GLDC: variants seen among roughly 807,000 people sequenced by gnomAD.
The protein encoded by GLDC is glycine decarboxylase.
Under a neutral mutation model 121.3 loss-of-function variants are expected in GLDC, and 104 were observed. That is an observed-to-expected ratio of 0.86 (90% CI 0.73 to 1.01). GLDC has a LOEUF of 1.01. Among genes scored for constraint, GLDC ranks in the 50% least tolerant of loss-of-function variants. GLDC has a pLI of 0.00. For synonymous variants in GLDC, 546 were observed against 480.6 expected, an observed-to-expected ratio of 1.14 and a Z score of -1.78; for missense variants, 1,429 against 1,306.6, an observed-to-expected ratio of 1.09 and a Z score of -1.44.
chr9:6,565,599 A>T, intron 15 of GLDC, 170 bp from the exon 16 acceptor site: 1 of 683,772 alleles, frequency 1.5e-6, no homozygotes. Context: ...AAGGTCTTGA[A>T]CAATCAAAAC....
chr9:6,618,970 C>T (rs1406740659), intron 3 of GLDC, among the ~76,000 whole-genome samples: 4 of 151,694 alleles, frequency 2.6e-5, no homozygotes, highest in African/African-American at 7.2e-5. Flanking sequence ...GGTGAAACCC[C>T]GTCTCTACTA....
At chr9:6,554,639 C>G (rs1817581337) in intron 19 of GLDC, 30 bp downstream of exon 19, 2 of 1,467,782 alleles carry the variant, frequency 1.4e-6, no homozygotes, top group East Asian at 4.5e-5. Context: ...GTCTCCAAAG[C>G]CATCCTGAAA....
chr9:6,594,103 A>G (rs1357184463), intron 9 of GLDC, among the ~76,000 whole-genome samples: 1 of 152,078 alleles, frequency 6.6e-6, no homozygotes, highest in African/African-American at 2.4e-5. Flanking sequence ...GACATTACAT[A>G]CACGAGTAAC....
intron 2 of GLDC, chr9:6,639,668 A>AAAAAAAAATATATATATATATAT: frequency 4.0e-6 from 1 of 248,646 alleles, no homozygotes; most frequent in Non-Finnish European, 6.4e-6. Context: ...ATAAAAAAAA[A>AAAAAAAAATATATATATATATAT]GTATATATAT....
chr9:6,645,070 G>GT (rs2130030899), intron 1 of GLDC, among the ~76,000 whole-genome samples, 175 bp downstream of exon 1: 1 of 152,362 alleles, frequency 6.6e-6, no homozygotes, highest in Non-Finnish European at 1.5e-5. Context: ...CTGTTAAGAA[G>GT]TAAGAAGGCA....
chr9:6,620,043 C>A (rs571475843), intron 3 of GLDC, 141 bp downstream of exon 3: 4 of 811,098 alleles, frequency 4.9e-6, no homozygotes, highest in East Asian at 2.5e-5. Context: ...CAGAGAAACC[C>A]GGTAGGTTCC....
At chr9:6,562,889 C>T (rs554271683) in intron 16 of GLDC, among the ~76,000 whole-genome samples, 3 of 152,322 alleles carry the variant, frequency 2.0e-5, no homozygotes, top group South Asian at 2.1e-4. Context: ...CAGAAGGATG[C>T]CAACATTTCC....
At chr9:6,539,459 A>G (rs1817207496) in intron 22 of GLDC, among the ~76,000 whole-genome samples, 1 of 152,176 alleles carries the variant, frequency 6.6e-6, no homozygotes, top group South Asian at 2.1e-4. Flanking sequence ...AGCCTGGGCG[A>G]CAAAGTGAGA....
chr9:6,550,544 T>C (rs892234364), intron 21 of GLDC, among the ~76,000 whole-genome samples: 5 of 152,114 alleles, frequency 3.3e-5, no homozygotes, highest in Non-Finnish European at 5.9e-5. Context: ...AAAGAATCGC[T>C]TGAACCCGGG....
chr9:6,612,559 T>A (rs1474827937), intron 3 of GLDC, among the ~76,000 whole-genome samples: 1 of 151,688 alleles, frequency 6.6e-6, no homozygotes, highest in Non-Finnish European at 1.5e-5. Context: ...ATATGAGACC[T>A]CACCTCTACA....
At chr9:6,594,969 T>C (rs2129861311) in intron 9 of GLDC, 45 bp downstream of exon 9, 1 of 1,149,916 alleles carries the variant, frequency 8.7e-7, no homozygotes, top group Non-Finnish European at 1.3e-6. Flanking sequence ...CTCAAATTTA[T>C]CAATTTTATT....
In GLDC at chr9:6,553,492, G is replaced by T. The variant is rs754670348; in HGVS notation, c.2333C>A (p.Pro778Gln). Residue 778 changes from proline (P) to glutamine (Q), a missense_variant, in exon 20 of 25, where the codon CCG becomes CAG. Physicochemically the swap from Pro to Gln is moderately conservative, Grantham distance 76. Coordinates refer to ENST00000321612, the MANE Select transcript of GLDC (RefSeq NM_000170.3). Reference sequence around the variant, plus strand: ...AATGACGGGATGATTGGGCAAAAACGGGGCGAGATGTTTCTTCCTGTATTT... The same window carrying T: ...AATGACGGGATGATTGGGCAAAAACTGGGCGAGATGTTTCTTCCTGTATTT... ...GPIGVKKHLA[P>Q]FLPNHPVISL... is the part of the protein sequence containing the mutation. The T allele has an allele frequency of 1.9e-6, 3 of 1,612,616 alleles. No homozygotes were observed. Among genetic ancestry groups the T allele is most frequent in the South Asian group, 2.2e-5 (2 of 90,968 alleles).
At chr9:6,596,243 G>T (rs1265860675) in intron 8 of GLDC, among the ~76,000 whole-genome samples, 1 of 152,190 alleles carries the variant, frequency 6.6e-6, no homozygotes, top group Non-Finnish European at 1.5e-5. Context: ...ATATTGTAGA[G>T]GTTGGTTCAT....
chr9:6,562,707 T>A (rs1348494616), intron 16 of GLDC, among the ~76,000 whole-genome samples: 2 of 151,534 alleles, frequency 1.3e-5, no homozygotes, highest in African/African-American at 4.9e-5. Flanking sequence ...ATCACAGGCG[T>A]GCACCACCAT....
In GLDC at chr9:6,644,538, C is replaced by G; in HGVS notation, c.334+76G>C. On this transcript the variant is annotated intron_variant, in intron 2 of 24. Coordinates refer to ENST00000321612, the MANE Select transcript of GLDC (RefSeq NM_000170.3). Reference sequence around the variant, plus strand: ...GTCCTGAGCAATCCTTACCCCAGAGCTCGATTTTCAGGGAACCACAAAAGA... The same window carrying G: ...GTCCTGAGCAATCCTTACCCCAGAGGTCGATTTTCAGGGAACCACAAAAGA... The G allele has an allele frequency of 3.0e-6, 3 of 992,934 alleles. No homozygotes were observed. The East Asian group carries it at 7.1e-5, about 24-fold the overall frequency. 61.5% of individuals were successfully genotyped at this position (992,934 alleles called of 1,614,324 possible).
At chr9:6,538,526 A>T (rs12002731) in intron 22 of GLDC, among the ~76,000 whole-genome samples, 1 of 152,212 alleles carries the variant, frequency 6.6e-6, no homozygotes, top group Non-Finnish European at 1.5e-5. Flanking sequence ...CGACTTAGCT[A>T]TTCATTTGGT....
At chr9:6,601,694 G>A (rs968017453) in intron 8 of GLDC, among the ~76,000 whole-genome samples, 2 of 152,074 alleles carry the variant, frequency 1.3e-5, no homozygotes, top group African/African-American at 4.8e-5. Context: ...GCATAATCAT[G>A]GCTCACTGCA....
chr9:6,622,159 GACACACACACACACACACACAC>G (rs60752054), intron 2 of GLDC, among the ~76,000 whole-genome samples: 2 of 145,328 alleles, frequency 1.4e-5, no homozygotes, highest in Non-Finnish European at 3.0e-5. Context: ...CACACACACA[GACACACACACACACACACACAC>G]ACACACACAC....
chr9:6,638,077 A>G (rs1257927980), intron 2 of GLDC, among the ~76,000 whole-genome samples: 1 of 152,214 alleles, frequency 6.6e-6, no homozygotes, highest in East Asian at 1.9e-4. Flanking sequence ...TGATAGCATA[A>G]TTATTTAAGA....
Sources: allele counts gnomAD v4.1 joint callset (sites outside exome capture counted in the v4.1 genomes callset), GRCh38; gene constraint gnomAD v4.1.1; transcripts MANE v1.5; gene names NCBI Gene and HGNC (gene_info 2026-07-23, HGNC 2026-07-21).